The following GRK5 variants were observed in gnomAD, a reference collection of about 807,000 sequenced individuals.
The protein encoded by GRK5 is g protein-coupled receptor kinase GRK5.
Under a neutral mutation model 78.4 loss-of-function variants are expected in GRK5, and 40 were observed. The observed-to-expected ratio is 0.51, with a 90% CI of 0.40 to 0.66. The LOEUF is 0.66. Ranked by LOEUF, GRK5 falls within the 30% of genes least tolerant of loss-of-function variation. GRK5 has a pLI of 0.00. For missense variants in GRK5, 598 were observed against 759.9 expected (o/e 0.79, Z 2.50); for synonymous variants, 289 against 296.8 (o/e 0.97, Z 0.27).
At chr10:119,276,895 T>C (rs566114308) in intron 1 of GRK5, among the ~76,000 whole-genome samples, 3 of 152,336 alleles carry the variant, frequency 2.0e-5, no homozygotes, top group Admixed American at 2.0e-4. Context: ...GAAAGAGGAA[T>C]AGCTTCCTGC....
At chr10:119,381,065 T>G in intron 3 of GRK5, 138 bp downstream of exon 3, 1 of 579,522 alleles carries the variant, frequency 1.7e-6, no homozygotes, top group Non-Finnish European at 3.1e-6. Flanking sequence ...ACTACAGACT[T>G]TGATTAGGAA....
At chr10:119,344,936 T>C (rs568804678) in intron 2 of GRK5, among the ~76,000 whole-genome samples, 3 of 122,548 alleles carry the variant, frequency 2.4e-5, no homozygotes, top group African/African-American at 9.4e-5. Context: ...CTTCCTTCCT[T>C]TTCCTCCCTC....
At chr10:119,341,290 T>C (rs1850976442) in intron 2 of GRK5, among the ~76,000 whole-genome samples, 1 of 152,212 alleles carries the variant, frequency 6.6e-6, no homozygotes. Context: ...CCTGCTTCAG[T>C]AGCTTTCCAC....
At chr10:119,414,257 T>C (rs1734243648) in intron 4 of GRK5, among the ~76,000 whole-genome samples, 4 of 152,212 alleles carry the variant, frequency 2.6e-5, no homozygotes, top group Non-Finnish European at 5.9e-5. Flanking sequence ...CGTCTGGAGA[T>C]AGAGTGGACA....
chr10:119,266,298 C>T (rs1199089542), intron 1 of GRK5, among the ~76,000 whole-genome samples: 2 of 152,062 alleles, frequency 1.3e-5, no homozygotes, highest in African/African-American at 4.8e-5. Flanking sequence ...TCTATAAAAA[C>T]ACAAGCATTA....
intron 3 of GRK5, among the ~76,000 whole-genome samples, chr10:119,393,108 CAG>C (rs2133844875): frequency 6.6e-6 from 1 of 152,370 alleles, no homozygotes; most frequent in East Asian, 1.9e-4. Flanking sequence ...GGACTCCCCT[CAG>C]GGGGCCACTG....
intron 1 of GRK5, among the ~76,000 whole-genome samples, chr10:119,279,956 G>T (rs535499587): frequency 8.8e-4 from 134 of 152,276 alleles, no homozygotes; most frequent in African/African-American, 3.2e-3. Context: ...GGCTACACTG[G>T]CTCTTTTCAT....
chr10:119,247,000 C>T lies in GRK5; in HGVS notation c.52+39031C>T, dbSNP rs190151365. Among the ~76,000 whole-genome samples, 555 of 152,272 alleles carry T rather than the reference C, an allele frequency of 3.6e-3. 5 individuals are homozygous for T. The highest frequency in any genetic ancestry group is 0.013 in the African/African-American group (534 of 41,534). ...CAGATCTGAGAAGGAATCTGGGATG[C>T]CGGGGTCAGATCCGTGCCCTGGCCC... On this transcript the variant is annotated intron_variant, in intron 1 of 15. Transcript: ENST00000392870.
At position 119,448,111 on chromosome 10, in the gene GRK5, T is replaced by C. The variant is rs1364072349; in HGVS notation, c.1267-12T>C. The stretch of plus-strand genomic sequence containing the variant: ...CCCAGGGGACGTGGCTTCATGGGGC[T>C]CTCTGTTTCAGCTGCTCACGAAAGA... On this transcript the variant is annotated splice_polypyrimidine_tract_variant and intron_variant, in intron 12 of 15. Transcript: ENST00000392870. The C allele has an allele frequency of 6.5e-7, 1 of 1,531,570 alleles. No homozygotes were observed. Among genetic ancestry groups the C allele is most frequent in the Non-Finnish European group, 8.7e-7 (1 of 1,144,996 alleles). The allele number at this position is 1,531,570 out of a possible 1,614,324, so 94.9% of individuals were successfully genotyped here.
chr10:119,381,661 T>C (rs1851711707), intron 3 of GRK5, among the ~76,000 whole-genome samples: 1 of 152,222 alleles, frequency 6.6e-6, no homozygotes, highest in Non-Finnish European at 1.5e-5. Context: ...TTCAGCCAAC[T>C]GCCCTTGGGT....
chr10:119,323,326 A>G (rs1850617507), intron 1 of GRK5, among the ~76,000 whole-genome samples: 5 of 152,252 alleles, frequency 3.3e-5, no homozygotes, highest in Admixed American at 3.3e-4. Flanking sequence ...ATTTTGCCAT[A>G]TGCAAAAAAT....
Position 119,412,113 on chromosome 10 carries a change from A to G in GRK5, c.340-11053A>G, listed in dbSNP as rs985417701. Among the ~76,000 whole-genome samples the G allele has an allele frequency of 9.2e-5, 14 of 151,988 alleles. No homozygotes were observed. Among genetic ancestry groups the G allele is most frequent in the African/African-American group, 3.4e-4 (14 of 41,400 alleles). ...TGATCCACCTCCCTCGGCCTCCCAA[A>G]GTGCTGGGATTCCAGGCGTGAGCCA... On this transcript the variant is annotated intron_variant, in intron 4 of 15. Transcript: ENST00000392870. The surrounding 1 kb of genome is among the most constrained non-coding windows in gnomAD (Gnocchi z 4.3).
At chr10:119,240,720 G>A (rs1849011010) in intron 1 of GRK5, among the ~76,000 whole-genome samples, 1 of 152,036 alleles carries the variant, frequency 6.6e-6, no homozygotes, top group Non-Finnish European at 1.5e-5. Context: ...GTAGATTCTG[G>A]ACATTAGCCC....
intron 4 of GRK5, among the ~76,000 whole-genome samples, chr10:119,420,403 C>G (rs989210896): frequency 8.7e-5 from 13 of 150,246 alleles, no homozygotes; most frequent in African/African-American, 3.2e-4. Context: ...TGAATTTCAA[C>G]CAACCCATTT....
rs76422636 is a variant in GRK5 at position 119,207,705 on chromosome 10, AGCG to A, written c.-186_-184del. ...GAGGGGGGACACAGAGGGAGGAAGA[AGCG>A]GCGGCGGCGGCGGCGGCGGCGGCGG... is the stretch of plus-strand genomic sequence containing the variant. On this transcript the variant is annotated 5_prime_UTR_variant, in exon 1 of 16. Transcript: ENST00000392870. 342 of 446,910 alleles carry A rather than the reference AGCG, an allele frequency of 7.7e-4. 2 individuals carry two copies. Among genetic ancestry groups the A allele is most frequent in the African/African-American group, 3.1e-3 (124 of 39,486 alleles). The allele number at this position is 446,910 out of a possible 1,614,324, so 27.7% of individuals were successfully genotyped here. A position where few individuals can be genotyped will look rare whatever the true frequency, so the allele number is the denominator to read the frequency against.
intron 1 of GRK5, among the ~76,000 whole-genome samples, chr10:119,252,760 G>C (rs1471499986): frequency 6.6e-6 from 1 of 152,160 alleles, no homozygotes; most frequent in Non-Finnish European, 1.5e-5. Context: ...GTCTGTGAAG[G>C]GCTTGGGGTC....
intron 1 of GRK5, among the ~76,000 whole-genome samples, chr10:119,230,707 G>A (rs1019863433): frequency 4.6e-5 from 7 of 152,012 alleles, no homozygotes; most frequent in East Asian, 3.9e-4. Flanking sequence ...GTGTGGTGGT[G>A]TGCACCTGTA....
chr10:119,286,501 A>C (rs1849848761), intron 1 of GRK5, among the ~76,000 whole-genome samples: 1 of 152,248 alleles, frequency 6.6e-6, no homozygotes, highest in Non-Finnish European at 1.5e-5. Flanking sequence ...GGGGGTCTGG[A>C]GGGCCCCAGG....
intron 1 of GRK5, among the ~76,000 whole-genome samples, chr10:119,273,386 G>A (rs967956357): frequency 1.1e-4 from 16 of 152,204 alleles, no homozygotes; most frequent in Admixed American, 1.0e-3. Flanking sequence ...CCTTGGGATA[G>A]CAGGTCAGCA....
Sources: allele counts gnomAD v4.1 joint callset (sites outside exome capture counted in the v4.1 genomes callset), GRCh38; gene constraint gnomAD v4.1.1; non-coding constraint Gnocchi (gnomAD v3.1); transcripts MANE v1.5; gene names NCBI Gene and HGNC (gene_info 2026-07-23, HGNC 2026-07-21).